KIF18A: variants seen among roughly 807,000 people sequenced by gnomAD.
KIF18A encodes kinesin-like protein KIF18A.
KIF18A carries 67 observed loss-of-function variants against 103.3 expected under a neutral mutation model. The ratio of observed to expected loss-of-function variants is 0.65; its 90% CI spans 0.53 to 0.79. The LOEUF (loss-of-function observed/expected upper bound fraction) is 0.79, where lower values mean the gene tolerates loss of function less well. Among genes scored for constraint, KIF18A ranks in the 30% least tolerant of loss-of-function variants. KIF18A has a pLI of 0.00. For missense variants in KIF18A, 1,032 were observed against 1,062.5 expected (o/e 0.97, Z 0.40); for synonymous variants, 367 against 355.5 (o/e 1.03, Z -0.36).
At chr11:28,073,438 T>A (rs1851048302) in intron 10 of KIF18A, among the ~76,000 whole-genome samples, 1 of 152,120 alleles carries the variant, frequency 6.6e-6, no homozygotes, top group Admixed American at 6.6e-5. Context: ...TGAATAGCTA[T>A]AGCATTCACG....
chr11:28,036,262 G>A lies in KIF18A; in HGVS notation c.2351C>T (p.Pro784Leu), dbSNP rs771860149. The A allele has an allele frequency of 5.0e-6, 8 of 1,607,702 alleles. No homozygotes were observed. The highest frequency in any genetic ancestry group is 6.8e-6 in the Non-Finnish European group (8 of 1,176,670). Residue 784 changes from proline to leucine, a missense_variant, in exon 14 of 17, where the codon CCC becomes CTC. By Grantham distance (98) the Pro-to-Leu change is moderately conservative. Transcript: ENST00000263181. ...EDIKSSKCKL[P>L]EQESLPNDNK... is the part of the protein sequence containing the mutation. ...ATCATTTGGTAGTGATTCTTGTTCG[G>A]GTAATTTACACTTCGAGCTCTTGAT...
chr11:28,053,585 T>G (rs1364708864), intron 13 of KIF18A, among the ~76,000 whole-genome samples: 2 of 152,128 alleles, frequency 1.3e-5, no homozygotes, highest in Non-Finnish European at 2.9e-5. Context: ...ACATGTGCCA[T>G]GTTGGTGTGC....
chr11:28,065,803 T>A (rs1451751689), intron 11 of KIF18A, among the ~76,000 whole-genome samples: 2 of 152,022 alleles, frequency 1.3e-5, no homozygotes, highest in African/African-American at 4.8e-5. Flanking sequence ...GACAAACATA[T>A]AATACAAGCA....
chr11:28,068,628 T>C (rs1397824092), intron 11 of KIF18A, among the ~76,000 whole-genome samples: 3 of 152,120 alleles, frequency 2.0e-5, no homozygotes, highest in African/African-American at 4.8e-5. Context: ...TCTTTCCTCT[T>C]CTTCTGGCTT....
intron 12 of KIF18A, among the ~76,000 whole-genome samples, chr11:28,059,825 A>G (rs1850835995): frequency 1.3e-5 from 2 of 152,158 alleles, no homozygotes; most frequent in Admixed American, 1.3e-4. Flanking sequence ...CATAAAATTG[A>G]AATGAAAAAT....
rs370389493 is a variant in KIF18A at position 28,091,149 on chromosome 11, AATAC to A, written c.588+256_588+259del. Among the ~76,000 whole-genome samples the A allele has an allele frequency of 1.8e-3, 236 of 131,982 alleles. 1 individual carries two copies. Among genetic ancestry groups the A allele is most frequent in the South Asian group, 3.9e-3 (17 of 4,358 alleles). The allele number at this position is 131,982 out of a possible 152,430, so 86.6% of individuals were successfully genotyped here. ...AAATAAATAAATAAATAAATAAATAAATACATACATACATACATACATACATACA... is the reference window on the plus strand; with the variant it reads ...AAATAAATAAATAAATAAATAAATAAATACATACATACATACATACATACA... On this transcript the variant is annotated intron_variant, in intron 4 of 16. Transcript: ENST00000263181.
chr11:28,049,688 A>T (rs559235630), intron 13 of KIF18A, among the ~76,000 whole-genome samples: 1 of 152,116 alleles, frequency 6.6e-6, no homozygotes, highest in Admixed American at 6.6e-5. Context: ...GTGCTAAATC[A>T]AAATTAGTTG....
In KIF18A at chr11:28,036,290, C is replaced by G. The variant is rs558312410; in HGVS notation, c.2323G>C (p.Asp775His). ...AATTTACACTTCGAGCTCTTGATGT[C>G]TTCACATATAGTAAATGTAGAGTCC... Reference protein sequence around the residue: ...DLDSTFTICEDIKSSKCKLPE... With the variant: ...DLDSTFTICEHIKSSKCKLPE... The change falls in exon 14 of 17, where the codon GAC becomes CAC. Residue 775 changes from aspartate to histidine, a missense_variant. Asp to His is a moderately conservative substitution (Grantham distance 81). Transcript: ENST00000263181. 67 of 1,610,396 alleles carry G rather than the reference C, an allele frequency of 4.2e-5. No individual in the cohort carries two copies. The South Asian group carries it at 7.2e-4, about 17-fold the overall frequency.
intron 13 of KIF18A, among the ~76,000 whole-genome samples, chr11:28,050,456 A>G (rs1251088498): frequency 6.6e-6 from 1 of 151,868 alleles, no homozygotes; most frequent in Non-Finnish European, 1.5e-5. Context: ...CTATCTTTCA[A>G]ATGAAATTTC....
At chr11:28,083,392 G>T in intron 7 of KIF18A, 149 bp from the exon 8 acceptor site, 2 of 819,696 alleles carry the variant, frequency 2.4e-6, no homozygotes, top group Non-Finnish European at 3.5e-6. Flanking sequence ...ATGACAAGAG[G>T]ATCTGCTGAG....
chr11:28,104,466 T>C (rs1027107327), intron 1 of KIF18A, among the ~76,000 whole-genome samples: 3 of 152,172 alleles, frequency 2.0e-5, no homozygotes, highest in Non-Finnish European at 4.4e-5. Flanking sequence ...CTGGCAGGCA[T>C]TACCTCCAGA....
At position 28,058,540 on chromosome 11, in the gene KIF18A, A is replaced by C. The variant is rs1394570706; in HGVS notation, c.1948+386T>G. 2.0e-5 allele frequency among the ~76,000 whole-genome samples: 3 copies of C among 147,132 alleles called. No individual in the cohort carries two copies. In the East Asian group the frequency reaches 6.1e-4, roughly 30 times the overall value. On this transcript the variant is annotated intron_variant, in intron 13 of 16. Transcript: ENST00000263181. The stretch of plus-strand genomic sequence containing the variant: ...GCCAGGAGTGGTGGTGCATGCCTGT[A>C]ATTCCTAGCTACTTGTGGGGCTGAA...
chr11:28,053,542 T>C (rs1012716557), intron 13 of KIF18A, among the ~76,000 whole-genome samples: 1 of 152,118 alleles, frequency 6.6e-6, no homozygotes, highest in African/African-American at 2.4e-5. Context: ...TTAGGGTACA[T>C]GTGCACAACG....
Position 28,097,958 on chromosome 11 carries a change from CT to C in KIF18A, c.-12del, listed in dbSNP as rs1851397428. On this transcript the variant is annotated 5_prime_UTR_variant, in exon 2 of 17. It introduces an in-frame stop codon into an upstream open reading frame of the 5' UTR. Coordinates refer to ENST00000263181, the MANE Select transcript of KIF18A (RefSeq NM_031217.4). ...CTCAGTGACAGACATTGTTGATTATCTTGATTCCTATCTGTATAAATACTTG... is the reference window on the plus strand; with the variant it reads ...CTCAGTGACAGACATTGTTGATTATCTGATTCCTATCTGTATAAATACTTG... 6.5e-7 allele frequency: 1 copy of C among 1,531,924 alleles called. No homozygotes were observed. Among genetic ancestry groups the C allele is most frequent in the Non-Finnish European group, 8.8e-7 (1 of 1,137,646 alleles). The allele number at this position is 1,531,924 out of a possible 1,614,324, so 94.9% of individuals were successfully genotyped here.
At chr11:28,106,103 C>T (rs893380266) in intron 1 of KIF18A, among the ~76,000 whole-genome samples, 4 of 152,134 alleles carry the variant, frequency 2.6e-5, no homozygotes, top group Admixed American at 6.5e-5. Context: ...TTCACTGATA[C>T]GTTCATCAAA....
intron 15 of KIF18A, 91 bp downstream of exon 15, chr11:28,035,296 T>C: frequency 1.9e-6 from 1 of 530,548 alleles, no homozygotes; most frequent in Non-Finnish European, 3.1e-6. Flanking sequence ...ATTGAGAGTC[T>C]AATTATAAAA....
At chr11:28,098,879 C>T (rs888332478) in intron 1 of KIF18A, among the ~76,000 whole-genome samples, 3 of 149,840 alleles carry the variant, frequency 2.0e-5, no homozygotes, top group African/African-American at 2.4e-5. Context: ...AACAAAAAGA[C>T]AAAAAAAAAC....
intron 12 of KIF18A, among the ~76,000 whole-genome samples, chr11:28,059,760 T>C (rs1850835135): frequency 6.6e-6 from 1 of 152,110 alleles, no homozygotes; most frequent in Non-Finnish European, 1.5e-5. Flanking sequence ...TAAAAGCTTT[T>C]TGCAAAACAT....
chr11:28,083,286 A>T lies in KIF18A; in HGVS notation c.1075-43T>A, dbSNP rs754442640. 2.6e-6 allele frequency: 4 copies of T among 1,510,476 alleles called. No homozygotes were observed. In the South Asian group the frequency reaches 5.3e-5, roughly 20 times the overall value. The allele number at this position is 1,510,476 out of a possible 1,614,324, so 93.6% of individuals were successfully genotyped here. On this transcript the variant is annotated intron_variant, in intron 7 of 16. Transcript: ENST00000263181. ...TTATGATTGTTTATAGAGAGATAAT[A>T]ATCACAGAGATAAATACATGAATAA...
Sources: allele counts gnomAD v4.1 joint callset (sites outside exome capture counted in the v4.1 genomes callset), GRCh38; gene constraint gnomAD v4.1.1; transcripts MANE v1.5; gene names NCBI Gene and HGNC (gene_info 2026-07-23, HGNC 2026-07-21).